Variants in TBC1D9B observed in about 807,000 individuals in gnomAD.
The protein encoded by TBC1D9B is TBC1 domain family, member 9B (with GRAM domain).
TBC1D9B carries 87 observed loss-of-function variants against 121.1 expected under a neutral mutation model. The ratio of observed to expected loss-of-function variants is 0.72; its 90% CI spans 0.60 to 0.86. The LOEUF (loss-of-function observed/expected upper bound fraction) is 0.86, where lower values mean the gene tolerates loss of function less well. Ranked by LOEUF, TBC1D9B falls within the 40% of genes least tolerant of loss-of-function variation. The pLI is 0.00. For synonymous variants in TBC1D9B, 668 were observed against 670.1 expected, an observed-to-expected ratio of 1.00 and a Z score of 0.05; for missense variants, 1,540 against 1,628.6, an observed-to-expected ratio of 0.95 and a Z score of 0.94.
chr5:179,890,432 G>A lies in TBC1D9B; in HGVS notation c.1044+947C>T, dbSNP rs368005160. On this transcript the variant is annotated intron_variant, in intron 6 of 20. Coordinates refer to ENST00000355235, the MANE Select transcript of TBC1D9B (RefSeq NM_015043.4). The surrounding 1 kb of genome is among the most constrained non-coding windows in gnomAD (Gnocchi z 5.0). Reference sequence around the variant, plus strand: ...GGGGGACAGGTCAGTACAGTGCCCCGGACAGATCCACAGGGCCCTGGTGCT... The same window carrying A: ...GGGGGACAGGTCAGTACAGTGCCCCAGACAGATCCACAGGGCCCTGGTGCT... 6.6e-6 allele frequency among the ~76,000 whole-genome samples: 1 copy of A among 152,180 alleles called. No homozygotes were observed. Among genetic ancestry groups the A allele is most frequent in the South Asian group, 2.1e-4 (1 of 4,828 alleles).
At chr5:179,897,649 C>G (rs1010385888) in intron 3 of TBC1D9B, among the ~76,000 whole-genome samples, 2 of 152,172 alleles carry the variant, frequency 1.3e-5, no homozygotes, top group Admixed American at 1.3e-4. Flanking sequence ...TTTCTAATTT[C>G]CATTTCTTCC....
intron 12 of TBC1D9B, among the ~76,000 whole-genome samples, chr5:179,873,531 CTTA>C (rs1286205496): frequency 1.3e-5 from 2 of 152,350 alleles, no homozygotes; most frequent in Non-Finnish European, 2.9e-5. Flanking sequence ...GCAGGAACGC[CTTA>C]TAACCCCAGA....
chr5:179,873,005 G>A lies in TBC1D9B; in HGVS notation c.2317-15C>T, dbSNP rs764710860. On this transcript the variant is annotated splice_polypyrimidine_tract_variant and intron_variant, in intron 13 of 20. Transcript: ENST00000355235. ...CTGCTGAATTTCTATAGGGAGAGGT[G>A]ACTTGGTGAGATCAAGCCAACTGCA... 1.2e-6 allele frequency: 2 copies of A among 1,613,936 alleles called. No individual in the cohort carries two copies. Among genetic ancestry groups the A allele is most frequent in the South Asian group, 1.1e-5 (1 of 91,070 alleles).
In TBC1D9B at chr5:179,888,176, AG is replaced by A; in HGVS notation, c.1180del (p.Leu394SerfsTer63). The A allele has an allele frequency of 6.2e-7, 1 of 1,613,654 alleles. No homozygotes were observed. Among genetic ancestry groups the A allele is most frequent in the Non-Finnish European group, 8.5e-7 (1 of 1,179,882 alleles). On this transcript the variant is annotated frameshift_variant, in exon 7 of 21. Coordinates refer to ENST00000355235, the MANE Select transcript of TBC1D9B (RefSeq NM_015043.4). LOFTEE classifies it high-confidence loss of function. ...DFLVQRISDF[L>X]QKTPSKQPGS... ...TGGCTGCTTGGATGGTGTTTTCTGG[AG>A]GAAGTCAGAGATCCTCTGCACCAAG...
chr5:179,896,878 C>CTAAAG (rs1328090778), intron 3 of TBC1D9B, among the ~76,000 whole-genome samples: 1 of 152,062 alleles, frequency 6.6e-6, no homozygotes, highest in Non-Finnish European at 1.5e-5. Context: ...GTCATCCTCT[C>CTAAAG]TCTTTAGAGT....
Position 179,879,613 on chromosome 5 carries a change from G to C in TBC1D9B, c.1416+15C>G. The C allele has an allele frequency of 6.2e-7, 1 of 1,613,686 alleles. No homozygotes were observed. Among genetic ancestry groups the C allele is most frequent in the Non-Finnish European group, 8.5e-7 (1 of 1,179,846 alleles). Reference sequence around the variant, plus strand: ...GCTCTTGACGGAGGCTGGAGTGCCGGCGCTCAGGGCTCACCCCCTTGGCTC... The same window carrying C: ...GCTCTTGACGGAGGCTGGAGTGCCGCCGCTCAGGGCTCACCCCCTTGGCTC... On this transcript the variant is annotated intron_variant, in intron 8 of 20. Coordinates refer to ENST00000355235, the MANE Select transcript of TBC1D9B (RefSeq NM_015043.4).
chr5:179,904,598 C>T lies in TBC1D9B; in HGVS notation c.229+104G>A. Reference sequence around the variant, plus strand: ...TTGCAGCCTTGGGCTATGCTGTCAGCAGGGAATACCACCCAGACACGTGGG... The same window carrying T: ...TTGCAGCCTTGGGCTATGCTGTCAGTAGGGAATACCACCCAGACACGTGGG... On this transcript the variant is annotated intron_variant, in intron 2 of 20. Transcript: ENST00000355235. This position sits in a 1 kb window ranked among gnomAD's most constrained non-coding sequence, Gnocchi z 4.2. The T allele has an allele frequency of 1.0e-6, 1 of 984,338 alleles. No homozygotes were observed. 61.0% of individuals were successfully genotyped at this position (984,338 alleles called of 1,614,324 possible).
intron 10 of TBC1D9B, among the ~76,000 whole-genome samples, 193 bp downstream of exon 10, chr5:179,878,116 A>C (rs548327090): frequency 6.6e-6 from 1 of 152,376 alleles, no homozygotes; most frequent in Non-Finnish European, 1.5e-5. Context: ...ACAAAAGTAC[A>C]AAGACGACGA....
intron 2 of TBC1D9B, among the ~76,000 whole-genome samples, chr5:179,900,102 C>T (rs1761126121): frequency 6.6e-6 from 1 of 152,092 alleles, no homozygotes; most frequent in Non-Finnish European, 1.5e-5. Flanking sequence ...CACCTGTGGT[C>T]CCAGCCACTC....
In TBC1D9B at chr5:179,885,587, C is replaced by T. The variant is rs1212493754; in HGVS notation, c.1254+2516G>A. ...CTAGGTGACAGAGCAAGACTCTGTC[C>T]CCCCCCCAAAAAAAAAAAGATGGAG... On this transcript the variant is annotated intron_variant, in intron 7 of 20. Coordinates refer to ENST00000355235, the MANE Select transcript of TBC1D9B (RefSeq NM_015043.4). This position sits in a 1 kb window ranked among gnomAD's most constrained non-coding sequence, Gnocchi z 4.5. Among the ~76,000 whole-genome samples the T allele has an allele frequency of 9.4e-6, 1 of 106,644 alleles. No homozygotes were observed. The highest frequency in any genetic ancestry group is 4.9e-5 in the African/African-American group (1 of 20,354). 70.0% of individuals were successfully genotyped at this position (106,644 alleles called of 152,430 possible). A position where few individuals can be genotyped will look rare whatever the true frequency, so the allele number is the denominator to read the frequency against.
At position 179,876,112 on chromosome 5, in the gene TBC1D9B, C is replaced by A. The variant is rs60121575; in HGVS notation, c.1783-75G>T. 1.4e-3 allele frequency: 1,605 copies of A among 1,168,708 alleles called. 13 individuals carry two copies. In the African/African-American group the frequency reaches 0.022, roughly 16 times the overall value. The allele number at this position is 1,168,708 out of a possible 1,614,324, so 72.4% of individuals were successfully genotyped here. A position where few individuals can be genotyped will look rare whatever the true frequency, so the allele number is the denominator to read the frequency against. On this transcript the variant is annotated intron_variant, in intron 10 of 20. Transcript: ENST00000355235. ...ATAAAACTGTCTCTCCCCACCCCTC[C>A]CAGCCACCCCTCCCTGCAAGGGCCC...
At chr5:179,878,911 G>T in intron 9 of TBC1D9B, 136 bp downstream of exon 9, 1 of 1,272,664 alleles carries the variant, frequency 7.9e-7, no homozygotes, top group Non-Finnish European at 1.1e-6. Flanking sequence ...CCAGAGCCCG[G>T]CTCCCGGCTG....
intron 7 of TBC1D9B, among the ~76,000 whole-genome samples, chr5:179,883,270 G>C (rs377253707): frequency 2.0e-5 from 3 of 152,168 alleles, no homozygotes; most frequent in East Asian, 3.8e-4. Flanking sequence ...CACTATACAA[G>C]TTCAAGCTTA....
In TBC1D9B at chr5:179,876,003, T is replaced by C. The variant is rs144368399; in HGVS notation, c.1817A>G (p.Tyr606Cys). 7.4e-6 allele frequency: 12 copies of C among 1,612,560 alleles called. No individual in the cohort carries two copies. Among genetic ancestry groups the C allele is most frequent in the African/African-American group, 4.0e-5 (3 of 74,810 alleles). Residue 606 changes from tyrosine to cysteine, a missense_variant, in exon 11 of 21, where the codon TAT becomes TGT. By Grantham distance (194) the Tyr-to-Cys change is radical. Coordinates refer to ENST00000355235, the MANE Select transcript of TBC1D9B (RefSeq NM_015043.4). ...MNIVTSVLLL[Y>C]GSEEEAFWLL... is the part of the protein sequence containing the mutation. ...CCAGAAGGCCTCCTCCTCACTGCCA[T>C]AGAGCAGGAGCACCGAGGTCACGAT...
At chr5:179,867,699 A>G (rs776382782) in intron 18 of TBC1D9B, 79 bp downstream of exon 18, 268 of 1,592,872 alleles carry the variant, frequency 1.7e-4, no homozygotes, top group Non-Finnish European at 2.2e-4. Flanking sequence ...ACTGCTGGCC[A>G]CTGCCCGAGC....
rs1019624740 is a variant in TBC1D9B at position 179,863,180 on chromosome 5, C to T, written c.*268G>A. The T allele has an allele frequency of 2.1e-5, 10 of 486,248 alleles. No individual in the cohort carries two copies. Among genetic ancestry groups the T allele is most frequent in the African/African-American group, 7.8e-5 (4 of 51,612 alleles). The allele number at this position is 486,248 out of a possible 1,614,324, so 30.1% of individuals were successfully genotyped here. ...TAATGCTAGGCAGGTGCAGCTGGTGCGAGGCGGGCTCCCACCAGGTGTAAG... is the reference window on the plus strand; with the variant it reads ...TAATGCTAGGCAGGTGCAGCTGGTGTGAGGCGGGCTCCCACCAGGTGTAAG... On this transcript the variant is annotated 3_prime_UTR_variant, in exon 21 of 21. Transcript: ENST00000355235. This position sits in a 1 kb window ranked among gnomAD's most constrained non-coding sequence, Gnocchi z 4.5.
chr5:179,871,282 C>T (rs929405461), intron 15 of TBC1D9B, among the ~76,000 whole-genome samples, 180 bp downstream of exon 15: 6 of 152,186 alleles, frequency 3.9e-5, no homozygotes, highest in African/African-American at 1.2e-4. Context: ...AAGAGGGATT[C>T]GATTCTACCA....
At chr5:179,894,737 T>A (rs1760974390) in intron 3 of TBC1D9B, 123 bp from the exon 4 acceptor site, 1 of 890,564 alleles carries the variant, frequency 1.1e-6, no homozygotes, top group Admixed American at 2.6e-5. Flanking sequence ...CAGGCACAGC[T>A]GGGAACAGTC....
Position 179,889,197 on chromosome 5 carries a change from T to C in TBC1D9B, c.1045-885A>G, listed in dbSNP as rs547820687. Reference sequence around the variant, plus strand: ...GGTGCCCACCACCACGCCCGGCTAATTTTTTGTATTTTTAGTAGAGACGGG... The same window carrying C: ...GGTGCCCACCACCACGCCCGGCTAACTTTTTGTATTTTTAGTAGAGACGGG... On this transcript the variant is annotated intron_variant, in intron 6 of 20. Transcript: ENST00000355235. 5.9e-5 allele frequency among the ~76,000 whole-genome samples: 9 copies of C among 152,116 alleles called. No homozygotes were observed. The East Asian group carries it at 1.7e-3, about 29-fold the overall frequency.
Sources: gnomAD v4.1 joint callset for allele counts (sites outside exome capture counted in the v4.1 genomes callset) on GRCh38, gnomAD v4.1.1 for gene constraint, Gnocchi (gnomAD v3.1) non-coding constraint, MANE v1.5 for transcripts, NCBI Gene and HGNC (gene_info 2026-07-23, HGNC 2026-07-21) for gene names.